The following DUXA variants were observed in gnomAD, a reference collection of about 807,000 sequenced individuals.
DUXA encodes double homeobox protein A.
A neutral mutation model predicts 27.5 loss-of-function variants in DUXA; 25 were observed. That is an observed-to-expected ratio of 0.91 (90% CI 0.66 to 1.27). The LOEUF is 1.27. Among genes scored for constraint, DUXA ranks in the 50% most tolerant of loss-of-function variants. The pLI is 0.00. For synonymous variants in DUXA, 90 were observed against 80.5 expected, an observed-to-expected ratio of 1.12 and a Z score of -0.63; for missense variants, 247 against 242.9, an observed-to-expected ratio of 1.02 and a Z score of -0.11.
chr19:57,165,324 A>AAAAAT (rs1491567041), intron 1 of DUXA, among the ~76,000 whole-genome samples: 1 of 89,268 alleles, frequency 1.1e-5, no homozygotes, highest in African/African-American at 4.1e-5. Flanking sequence ...AAAAAAAAAA[A>AAAAAT]ATATATATAT....
chr19:57,164,125 CT>C (rs1297659684), intron 1 of DUXA, among the ~76,000 whole-genome samples: 19 of 152,282 alleles, frequency 1.2e-4, no homozygotes, highest in African/African-American at 4.6e-4. Context: ...GACAATATCC[CT>C]AATGAACACT....
Position 57,154,318 on chromosome 19 carries a change from T to C in DUXA, c.*94A>G, listed in dbSNP as rs1014253511. 1.7e-6 allele frequency: 2 copies of C among 1,194,028 alleles called. No individual in the cohort carries two copies. Among genetic ancestry groups the C allele is most frequent in the Non-Finnish European group, 1.2e-6 (1 of 815,268 alleles). 74.0% of individuals were successfully genotyped at this position (1,194,028 alleles called of 1,614,324 possible). ...CTTTACCATCTTCAGAAGGCTTAGC[T>C]TGCAGTTTCAGCAGAAGGATAGACT... On this transcript the variant is annotated 3_prime_UTR_variant, in exon 6 of 6. Coordinates refer to ENST00000554048, the MANE Select transcript of DUXA (RefSeq NM_001012729.2).
At chr19:57,160,425 G>T (rs369002623) in intron 2 of DUXA, among the ~76,000 whole-genome samples, 1 of 152,196 alleles carries the variant, frequency 6.6e-6, no homozygotes, top group Non-Finnish European at 1.5e-5. Context: ...CTGAAGGTAC[G>T]CCTACACGTG....
chr19:57,160,826 T>C, intron 1 of DUXA, 29 bp from the exon 2 acceptor site: 2 of 1,610,886 alleles, frequency 1.2e-6, no homozygotes, highest in East Asian at 2.2e-5. Flanking sequence ...AGAAGAAGCA[T>C]GTAATAGGTT....
At chr19:57,159,411 A>G (rs1389842371) in intron 2 of DUXA, 133 bp from the exon 3 acceptor site, 3 of 822,178 alleles carry the variant, frequency 3.6e-6, no homozygotes, top group Non-Finnish European at 5.6e-6. Context: ...ACATTCTACC[A>G]AGTCCTTTTT....
In DUXA at chr19:57,154,104, G is replaced by A; in HGVS notation, c.*308C>T. The A allele has an allele frequency of 4.0e-6, 1 of 249,532 alleles. No homozygotes were observed. 15.5% of individuals were successfully genotyped at this position (249,532 alleles called of 1,614,324 possible). Reference sequence around the variant, plus strand: ...ATCTAGGCTGTGTCAACAGGGTAGTGTGGTACCCCCTGTACCCGTCTCTGC... The same window carrying A: ...ATCTAGGCTGTGTCAACAGGGTAGTATGGTACCCCCTGTACCCGTCTCTGC... On this transcript the variant is annotated 3_prime_UTR_variant, in exon 6 of 6. Transcript: ENST00000554048.
intron 1 of DUXA, among the ~76,000 whole-genome samples, chr19:57,163,664 G>T (rs1217814667): frequency 6.6e-6 from 1 of 151,722 alleles, no homozygotes; most frequent in Non-Finnish European, 1.5e-5. Context: ...GGCTGGTCTG[G>T]ATGATCCACC....
rs1007250023 is a variant in DUXA at position 57,155,473 on chromosome 19, G to A, written c.439-101C>T. On this transcript the variant is annotated intron_variant, in intron 4 of 5. Transcript: ENST00000554048. ...TTCTTTTCTGTTTTTTGAGACAGCG[G>A]TCTCTCTCAGAGTAGCTAGTGCCAC... The A allele has an allele frequency of 7.2e-5, 62 of 864,122 alleles. No homozygotes were observed. In the African/African-American group the frequency reaches 8.1e-4, roughly 11 times the overall value. 53.5% of individuals were successfully genotyped at this position (864,122 alleles called of 1,614,324 possible). A position where few individuals can be genotyped will look rare whatever the true frequency, so the allele number is the denominator to read the frequency against.
chr19:57,163,006 T>C (rs886433530), intron 1 of DUXA, among the ~76,000 whole-genome samples: 3 of 151,626 alleles, frequency 2.0e-5, no homozygotes, highest in African/African-American at 4.8e-5. Context: ...CGACATTCCA[T>C]ACCTTGACCT....
chr19:57,163,161 A>G (rs1048105246), intron 1 of DUXA, among the ~76,000 whole-genome samples: 1 of 151,940 alleles, frequency 6.6e-6, no homozygotes, highest in Non-Finnish European at 1.5e-5. Flanking sequence ...TCCTCCGTCT[A>G]CCCACAAGGC....
At chr19:57,156,686 CAG>C (rs1568463089) in intron 4 of DUXA, among the ~76,000 whole-genome samples, 1 of 152,088 alleles carries the variant, frequency 6.6e-6, no homozygotes, top group East Asian at 1.9e-4. Context: ...TATTTTGAGA[CAG>C]AGTTTCGCCC....
intron 3 of DUXA, among the ~76,000 whole-genome samples, 166 bp downstream of exon 3, chr19:57,159,001 G>A (rs1308447772): frequency 6.6e-6 from 1 of 151,962 alleles, no homozygotes; most frequent in African/African-American, 2.4e-5. Flanking sequence ...AAATAAGAAA[G>A]CCTGGGAAGA....
At chr19:57,160,830 A>G (rs763200578) in intron 1 of DUXA, 33 bp from the exon 2 acceptor site, 2 of 1,610,606 alleles carry the variant, frequency 1.2e-6, no homozygotes, top group Non-Finnish European at 1.7e-6. Flanking sequence ...GAAGCATGTA[A>G]TAGGTTAATT....
intron 4 of DUXA, among the ~76,000 whole-genome samples, chr19:57,157,314 T>C (rs2086997484): frequency 6.6e-6 from 1 of 152,122 alleles, no homozygotes; most frequent in Admixed American, 6.6e-5. Flanking sequence ...AGCTAAATGT[T>C]AAATGTCTAA....
intron 1 of DUXA, among the ~76,000 whole-genome samples, chr19:57,163,823 G>GTCTT (rs1252466537): frequency 6.6e-6 from 1 of 152,138 alleles, no homozygotes; most frequent in Non-Finnish European, 1.5e-5. Flanking sequence ...ATACATTTTT[G>GTCTT]TCTTACATTT....
intron 2 of DUXA, 49 bp downstream of exon 2, chr19:57,160,594 T>C (rs1460435190): frequency 6.2e-7 from 1 of 1,600,384 alleles, no homozygotes; most frequent in East Asian, 2.2e-5. Flanking sequence ...AATGGTTCTC[T>C]CTCCTGCCTT....
intron 2 of DUXA, 21 bp from the exon 3 acceptor site, chr19:57,159,299 G>GA (rs749803034): frequency 1.2e-6 from 2 of 1,605,262 alleles, no homozygotes; most frequent in Non-Finnish European, 8.5e-7. Context: ...AAAAGAAAAG[G>GA]AGAGAATTAC....
At chr19:57,159,415 C>A in intron 2 of DUXA, 137 bp from the exon 3 acceptor site, 1 of 808,484 alleles carries the variant, frequency 1.2e-6, no homozygotes. Flanking sequence ...TCTACCAAGT[C>A]CTTTTTTTTC....
chr19:57,154,607 A>G (rs1169733661), intron 5 of DUXA, 125 bp from the exon 6 acceptor site: 1 of 706,966 alleles, frequency 1.4e-6, no homozygotes, highest in Non-Finnish European at 2.2e-6. Flanking sequence ...TTTGTCGCCC[A>G]GGCTGGAGTG....
Sources: allele counts gnomAD v4.1 joint callset (sites outside exome capture counted in the v4.1 genomes callset), GRCh38; gene constraint gnomAD v4.1.1; transcripts MANE v1.5; gene names NCBI Gene and HGNC (gene_info 2026-07-23, HGNC 2026-07-21).